AHNAK2: variants seen among roughly 807,000 people sequenced by gnomAD.
AHNAK2 encodes AHNAK nucleoprotein 2.
In AHNAK2, 18 loss-of-function variants were observed where a neutral mutation model predicts 30.7. The ratio of observed to expected loss-of-function variants is 0.59; its 90% CI spans 0.41 to 0.87. The LOEUF is 0.87. Among genes scored for constraint, AHNAK2 ranks in the 40% least tolerant of loss-of-function variants. The pLI, the probability that AHNAK2 is intolerant of heterozygous loss-of-function variation, is 0.00. For synonymous variants in AHNAK2, 3,590 were observed against 3,073.8 expected, an observed-to-expected ratio of 1.17 and a Z score of -5.56; for missense variants, 8,604 against 7,373.0, an observed-to-expected ratio of 1.17 and a Z score of -6.11.
rs1395200604 is a variant in AHNAK2 at position 104,938,954 on chromosome 14, C to A, written c.16497G>T (p.Gln5499His). 6.2e-7 allele frequency: 1 copy of A among 1,613,150 alleles called. No homozygotes were observed. Among genetic ancestry groups the A allele is most frequent in the Non-Finnish European group, 8.5e-7 (1 of 1,179,778 alleles). Residue 5499 changes from glutamine to histidine, a missense_variant, in exon 7 of 7, where the codon CAG becomes CAT. Coordinates refer to ENST00000333244, the MANE Select transcript of AHNAK2 (RefSeq NM_138420.4). ...TGGGGATCTCTGATTCCCGCACAAT[C>A]TGAGTGGAAAAAGTCCTGGGTACTG... ...DLSVPRTFSTQIVRESEIPTS... is the reference protein window; with the variant it reads ...DLSVPRTFSTHIVRESEIPTS...
At position 104,954,511 on chromosome 14, in the gene AHNAK2, C is replaced by G. The variant is rs548685556; in HGVS notation, c.940G>C (p.Gly314Arg). The change falls in exon 7 of 7, where the codon GGG becomes CGG. Residue 314 changes from glycine (G) to arginine (R), a missense_variant. Physicochemically the swap from Gly to Arg is moderately radical, Grantham distance 125. Transcript: ENST00000333244. This position sits in a 1 kb window ranked among gnomAD's most constrained non-coding sequence, Gnocchi z 4.3. The part of the protein sequence containing the change: ...LTVERQEQKA[G>R]PGSQRRRKFL... ...TTCCGCCTCCTCTGGCTGCCCGGCC[C>G]TGCCTTCTGCTCTTGGCGCTCCACC... 6.2e-7 allele frequency: 1 copy of G among 1,612,180 alleles called. No homozygotes were observed. The highest frequency in any genetic ancestry group is 8.5e-7 in the Non-Finnish European group (1 of 1,179,550).
In AHNAK2 at chr14:104,945,037, T is replaced by G. The variant is rs748276909; in HGVS notation, c.10414A>C (p.Lys3472Gln). The G allele has an allele frequency of 3.1e-6, 5 of 1,612,926 alleles. No homozygotes were observed. In the East Asian group the frequency reaches 1.1e-4, roughly 36 times the overall value. The change falls in exon 7 of 7, where the codon AAG becomes CAG. Residue 3472 changes from lysine (K) to glutamine (Q), a missense_variant. Lys to Gln is a moderately conservative substitution (Grantham distance 53). Coordinates refer to ENST00000333244, the MANE Select transcript of AHNAK2 (RefSeq NM_138420.4). The stretch of plus-strand genomic sequence containing the variant: ...ATCTTGAACTTGGGCATTTTGAACT[T>G]GCTGTCTTTGGCAGTCACATCCTTT... ...AEKDVTAKDSKFKMPKFKMPS... is the reference protein window; with the variant it reads ...AEKDVTAKDSQFKMPKFKMPS...
Position 104,944,413 on chromosome 14 carries a change from C to A in AHNAK2, c.11038G>T (p.Asp3680Tyr), listed in dbSNP as rs762879519. 51 of 1,612,842 alleles carry A rather than the reference C, an allele frequency of 3.2e-5. No individual in the cohort carries two copies. The South Asian group carries it at 5.5e-4, about 17-fold the overall frequency. The change falls in exon 7 of 7, where the codon GAC (aspartate) becomes TAC (tyrosine). Residue 3680 changes from aspartate to tyrosine, a missense_variant. By Grantham distance (160) the Asp-to-Tyr change is radical (BLOSUM62 -3). Transcript: ENST00000333244. ...ATGCTGAGGTCAGTGGTCTTCAGGTCCCCCTGCATGGAGGGGAGACTCACA... is the reference window on the plus strand; with the variant it reads ...ATGCTGAGGTCAGTGGTCTTCAGGTACCCCTGCATGGAGGGGAGACTCACA... ...ADVSLPSMQG[D>Y]LKTTDLSIQP...
At position 104,943,906 on chromosome 14, in the gene AHNAK2, T is replaced by G. The variant is rs142819769; in HGVS notation, c.11545A>C (p.Thr3849Pro). 3.1e-6 allele frequency: 5 copies of G among 1,612,824 alleles called. No individual in the cohort carries two copies. The South Asian group carries it at 5.5e-5, about 18-fold the overall frequency. The change falls in exon 7 of 7, where the codon ACT (threonine) becomes CCT (proline). Residue 3849 changes from threonine (T) to proline (P), a missense_variant. Transcript: ENST00000333244. ...LPSMQGDLKT[T>P]DLSIQPHSAD... Reference sequence around the variant, plus strand: ...GAATGGGGCTGAATGCTGAGGTCAGTGGTCTTGAGGTCCCCCTGCATGGAG... The same window carrying G: ...GAATGGGGCTGAATGCTGAGGTCAGGGGTCTTGAGGTCCCCCTGCATGGAG...
Position 104,957,513 on chromosome 14 carries a change from C to A in AHNAK2, c.115-5G>T. On this transcript the variant is annotated splice_region_variant and splice_polypyrimidine_tract_variant and intron_variant, in intron 2 of 6. Coordinates refer to ENST00000333244, the MANE Select transcript of AHNAK2 (RefSeq NM_138420.4). ...ATCCGCAGGCCCTTCAGTCACCTGA[C>A]GGGAGAGAATCCAGTTATTTTTGCC... 1 of 1,595,536 alleles carries A rather than the reference C, an allele frequency of 6.3e-7. No individual in the cohort carries two copies. Among genetic ancestry groups the A allele is most frequent in the East Asian group, 2.3e-5 (1 of 44,098 alleles).
At position 104,937,989 on chromosome 14, in the gene AHNAK2, C is replaced by T. The variant is rs1897855857; in HGVS notation, c.*74G>A. On this transcript the variant is annotated 3_prime_UTR_variant, in exon 7 of 7. Transcript: ENST00000333244. ...ATGTAATGTGCTGTGGGATGGGGTG[C>T]TCCATATGTGTGTGTAGCCTTTACT... The T allele has an allele frequency of 6.7e-7, 1 of 1,484,492 alleles. No homozygotes were observed. Among genetic ancestry groups the T allele is most frequent in the African/African-American group, 1.4e-5 (1 of 71,504 alleles). The allele number at this position is 1,484,492 out of a possible 1,614,324, so 92.0% of individuals were successfully genotyped here.
intron 2 of AHNAK2, 48 bp from the exon 3 acceptor site, chr14:104,957,556 C>A (rs1478668566): frequency 1.3e-6 from 2 of 1,596,384 alleles, no homozygotes; most frequent in South Asian, 2.3e-5. Flanking sequence ...TCTCCCAGGG[C>A]CCAGGGAGAA....
In AHNAK2 at chr14:104,953,348, A is replaced by G. The variant is rs561325348; in HGVS notation, c.2103T>C (p.Ser701=). The change falls in exon 7 of 7, where the codon TCT becomes TCC. Residue 701 remains serine (S), a synonymous_variant. Transcript: ENST00000333244. Reference sequence around the variant, plus strand: ...TCACGTCGGCCTCCACCTTCGGCGCAGACACATCCACCGAGGCCTCCATGG... The same window carrying G: ...TCACGTCGGCCTCCACCTTCGGCGCGGACACATCCACCGAGGCCTCCATGG... The part of the protein sequence containing the change: ...GKSMEASVDV[S]APKVEADVSL... 3.7e-6 allele frequency: 6 copies of G among 1,613,402 alleles called. No individual in the cohort carries two copies. In the East Asian group the frequency reaches 8.9e-5, roughly 24 times the overall value.
intron 1 of AHNAK2, among the ~76,000 whole-genome samples, chr14:104,970,757 C>G (rs536069632): frequency 1.3e-5 from 2 of 152,232 alleles, no homozygotes; most frequent in African/African-American, 4.8e-5. Context: ...AGGAACAGAC[C>G]GCTCTGAGTC....
Position 104,940,958 on chromosome 14 carries a change from C to A in AHNAK2, c.14493G>T (p.Leu4831=). The change falls in exon 7 of 7, where the codon CTG becomes CTT. Residue 4831 remains leucine, a synonymous_variant. Coordinates refer to ENST00000333244, the MANE Select transcript of AHNAK2 (RefSeq NM_138420.4). This position sits in a 1 kb window ranked among gnomAD's most constrained non-coding sequence, Gnocchi z 4.4. Reference sequence around the variant, plus strand: ...ATGTTGGAACTCCCTCTGGAGGCTGCAGGTCAGTGGAGCACTCTGTCTTGG... The same window carrying A: ...ATGTTGGAACTCCCTCTGGAGGCTGAAGGTCAGTGGAGCACTCTGTCTTGG... ...PLPKTECSTD[L]QPPEGVPTSQ... is the part of the protein sequence containing the mutation. 6.2e-7 allele frequency: 1 copy of A among 1,612,986 alleles called. No individual in the cohort carries two copies.
Position 104,943,734 on chromosome 14 carries a change from A to G in AHNAK2, c.11717T>C (p.Ile3906Thr). 6.2e-7 allele frequency: 1 copy of G among 1,611,728 alleles called. No individual in the cohort carries two copies. Among genetic ancestry groups the G allele is most frequent in the Non-Finnish European group, 8.5e-7 (1 of 1,179,182 alleles). Residue 3906 changes from isoleucine to threonine, a missense_variant, in exon 7 of 7, where the codon ATA (isoleucine) becomes ACA (threonine). Coordinates refer to ENST00000333244, the MANE Select transcript of AHNAK2 (RefSeq NM_138420.4). ...MPKVDLKGPEIDIKGPKLDLK... is the reference protein window; with the variant it reads ...MPKVDLKGPETDIKGPKLDLK... ...GTCCAGCTTGGGGCCCTTGATGTCT[A>G]TTTCAGGGCCCTTGAGGTCGACTTT...
At position 104,960,956 on chromosome 14, in the gene AHNAK2, A is replaced by AT. The variant is rs1190720911; in HGVS notation, c.56-3285_56-3284insA. On this transcript the variant is annotated intron_variant, in intron 1 of 6. Coordinates refer to ENST00000333244, the MANE Select transcript of AHNAK2 (RefSeq NM_138420.4). ...AGACCAGCCTGGCCAACATGGTGAA[A>AT]CCCCTCTCTACTAAAAATACAAACA... Among the ~76,000 whole-genome samples, 749 of 151,302 alleles carry AT rather than the reference A, an allele frequency of 5.0e-3. 6 individuals are homozygous for AT. Among genetic ancestry groups the AT allele is most frequent in the African/African-American group, 0.017 (702 of 41,220 alleles).
intron 1 of AHNAK2, among the ~76,000 whole-genome samples, chr14:104,971,119 G>T (rs1186603657): frequency 6.6e-6 from 1 of 152,080 alleles, no homozygotes; most frequent in African/African-American, 2.4e-5. Context: ...GTGGGGCTCA[G>T]GAAGCAGCAT....
chr14:104,961,387 G>A (rs539534481), intron 1 of AHNAK2, among the ~76,000 whole-genome samples: 18 of 151,932 alleles, frequency 1.2e-4, no homozygotes, highest in African/African-American at 2.2e-4. Context: ...GGTGGCGGGC[G>A]CCTGTAGTCC....
chr14:104,974,884 T>C (rs1460277023), intron 1 of AHNAK2, among the ~76,000 whole-genome samples: 1 of 152,190 alleles, frequency 6.6e-6, no homozygotes, highest in Non-Finnish European at 1.5e-5. Context: ...TGCTGGGGCT[T>C]GGGGGCCTTT....
At chr14:104,959,349 G>A (rs773596689) in intron 1 of AHNAK2, among the ~76,000 whole-genome samples, 8 of 152,116 alleles carry the variant, frequency 5.3e-5, no homozygotes, top group Non-Finnish European at 7.4e-5. Flanking sequence ...ATTTTCGTAC[G>A]TTTAGGAGAG....
At chr14:104,978,110 A>G (rs1194317013) in intron 1 of AHNAK2, 73 bp downstream of exon 1, 4 of 1,160,396 alleles carry the variant, frequency 3.4e-6, no homozygotes, top group Non-Finnish European at 4.3e-6. Context: ...GCCCCTGGAC[A>G]CGCCCCGGCG....
chr14:104,960,345 T>G (rs2083558443), intron 1 of AHNAK2, among the ~76,000 whole-genome samples: 1 of 152,244 alleles, frequency 6.6e-6, no homozygotes, highest in Admixed American at 6.5e-5. Flanking sequence ...TAGACTTTTT[T>G]TCTTGTCATT....
In AHNAK2 at chr14:104,956,810, C is replaced by T. The variant is rs1298594736; in HGVS notation, c.214-121G>A. On this transcript the variant is annotated intron_variant, in intron 3 of 6. Coordinates refer to ENST00000333244, the MANE Select transcript of AHNAK2 (RefSeq NM_138420.4). ...AGAGGGGCCCAGAACTTCCAACACACAGCTGTGTGCAGAGGCAGCCGAGTT... is the reference window on the plus strand; with the variant it reads ...AGAGGGGCCCAGAACTTCCAACACATAGCTGTGTGCAGAGGCAGCCGAGTT... The T allele has an allele frequency of 8.1e-6, 7 of 867,984 alleles. 1 individual carries two copies. The highest frequency in any genetic ancestry group is 1.3e-5 in the Non-Finnish European group (7 of 533,606). 53.8% of individuals were successfully genotyped at this position (867,984 alleles called of 1,614,324 possible).
Sources: allele counts gnomAD v4.1 joint callset (sites outside exome capture counted in the v4.1 genomes callset), GRCh38; gene constraint gnomAD v4.1.1; non-coding constraint Gnocchi (gnomAD v3.1); transcripts MANE v1.5; gene names NCBI Gene and HGNC (gene_info 2026-07-23, HGNC 2026-07-21).